PCMTD1: variants seen among roughly 807,000 people sequenced by gnomAD.
PCMTD1 encodes protein-L-isoaspartate O-methyltransferase domain-containing protein 1.
A neutral mutation model predicts 37.6 loss-of-function variants in PCMTD1; 12 were observed. The ratio of observed to expected loss-of-function variants is 0.32; its 90% confidence interval spans 0.20 to 0.52. PCMTD1 has a LOEUF of 0.52. PCMTD1 is among the 20% of genes least tolerant of loss of function. PCMTD1 has a pLI of 0.97. For missense variants in PCMTD1, 235 were observed against 421.3 expected, an observed-to-expected ratio of 0.56 and a Z score of 3.87; for synonymous variants, 117 against 135.8, an observed-to-expected ratio of 0.86 and a Z score of 0.96.
rs2037784002 is a variant in PCMTD1, at chr8:51,818,015, CTT to C, written c.*2334_*2335del. ...CTATATTCCCCATCATTTTCACTTA[CTT>C]TTACTTAATCTTTATTTGCTACTTT... On this transcript the variant is annotated 3_prime_UTR_variant, in exon 6 of 6. Transcript: ENST00000522514. 2 of 449,036 alleles carry C rather than the reference CTT, an allele frequency of 4.5e-6. No homozygotes were observed. The highest frequency in any genetic ancestry group is 1.4e-4 in the East Asian group (2 of 14,084). The allele number at this position is 449,036 out of a possible 1,614,324, so 27.8% of individuals were successfully genotyped here. A position where few individuals can be genotyped will look rare whatever the true frequency, so the allele number is the denominator to read the frequency against.
intron 2 of PCMTD1, among the ~76,000 whole-genome samples, chr8:51,853,539 T>C (rs981898132): frequency 1.3e-5 from 2 of 152,200 alleles, no homozygotes; most frequent in Non-Finnish European, 2.9e-5. Flanking sequence ...ATAATAGTTA[T>C]GTTCTAAAAA....
chr8:51,820,419 C>T lies in PCMTD1; in HGVS notation c.1006G>A (p.Glu336Lys), dbSNP rs2129271639. 6.2e-7 allele frequency: 1 copy of T among 1,610,660 alleles called. No individual in the cohort carries two copies. The highest frequency in any genetic ancestry group is 1.7e-4 in the Middle Eastern group (1 of 6,036). Residue 336 changes from glutamate (E) to lysine (K), a missense_variant, in exon 6 of 6, where the codon GAA becomes AAA. Coordinates refer to ENST00000522514, the MANE Select transcript of PCMTD1 (RefSeq NM_052937.4). ...PEEPPQNLLR[E>K]KIMKLPLPES... Reference sequence around the variant, plus strand: ...GGGAGGGGCAGCTTCATGATTTTTTCTCTCAGTAAATTTTGAGGTGGCTCC... The same window carrying T: ...GGGAGGGGCAGCTTCATGATTTTTTTTCTCAGTAAATTTTGAGGTGGCTCC...
intron 1 of PCMTD1, among the ~76,000 whole-genome samples, chr8:51,867,485 G>C (rs902475371): frequency 3.4e-5 from 3 of 88,998 alleles, no homozygotes; most frequent in African/African-American, 9.6e-5. Context: ...TGGTGTGTGT[G>C]TGTGTGTGTG....
rs188506695 is a variant in PCMTD1 at position 51,875,980 on chromosome 8, A to G, written c.-95-14734T>C. 4.6e-3 allele frequency among the ~76,000 whole-genome samples: 700 copies of G among 151,928 alleles called. 4 individuals carry two copies. The highest frequency in any genetic ancestry group is 8.2e-3 in the Non-Finnish European group (560 of 67,928). On this transcript the variant is annotated intron_variant, in intron 1 of 5. Transcript: ENST00000522514. ...TGTGTGTCTGTGTGTGTGTGTGTGCATGTGCGTGCACGCATGCGTGTGTTA... is the reference window on the plus strand; with the variant it reads ...TGTGTGTCTGTGTGTGTGTGTGTGCGTGTGCGTGCACGCATGCGTGTGTTA...
At chr8:51,866,640 A>G (rs2038559318) in intron 1 of PCMTD1, among the ~76,000 whole-genome samples, 1 of 152,066 alleles carries the variant, frequency 6.6e-6, no homozygotes, top group Non-Finnish European at 1.5e-5. Flanking sequence ...AAAACAGATT[A>G]AAGATTTAAA....
intron 5 of PCMTD1, among the ~76,000 whole-genome samples, chr8:51,829,701 T>C (rs1007197650): frequency 2.0e-5 from 3 of 151,726 alleles, no homozygotes; most frequent in Non-Finnish European, 4.4e-5. Context: ...GCCCAGGAGG[T>C]GGAGATTGCA....
intron 1 of PCMTD1, among the ~76,000 whole-genome samples, chr8:51,871,982 A>G (rs932324182): frequency 6.6e-6 from 1 of 152,180 alleles, no homozygotes; most frequent in Non-Finnish European, 1.5e-5. Context: ...GTAGCTTCCA[A>G]CTTCCTCCAC....
At chr8:51,879,084 C>T (rs1387822660) in intron 1 of PCMTD1, among the ~76,000 whole-genome samples, 1 of 152,042 alleles carries the variant, frequency 6.6e-6, no homozygotes, top group Non-Finnish European at 1.5e-5. Flanking sequence ...CGTAGTCATG[C>T]CACTGTAGTC....
At chr8:51,862,643 G>A (rs888980227) in intron 1 of PCMTD1, among the ~76,000 whole-genome samples, 3 of 152,150 alleles carry the variant, frequency 2.0e-5, no homozygotes, top group Admixed American at 6.5e-5. Context: ...CCTGACCATA[G>A]AGAAGTATAC....
intron 1 of PCMTD1, among the ~76,000 whole-genome samples, chr8:51,875,956 G>C (rs72639748): frequency 0.17 from 17,281 of 99,366 alleles, 1,189 homozygotes; most frequent in Non-Finnish European, 0.25. Flanking sequence ...GTGTGTGTGT[G>C]TGTGTCTGTG....
chr8:51,838,205 G>A (rs1346615858), intron 3 of PCMTD1, among the ~76,000 whole-genome samples: 4 of 152,106 alleles, frequency 2.6e-5, no homozygotes, highest in African/African-American at 4.8e-5. Context: ...TTTTCAGGTA[G>A]GCCAGGTATG....
intron 2 of PCMTD1, among the ~76,000 whole-genome samples, chr8:51,854,269 TC>T (rs1179435707): frequency 2.6e-5 from 4 of 152,122 alleles, no homozygotes; most frequent in Admixed American, 2.6e-4. Flanking sequence ...AGTAATATTA[TC>T]CATAAACACA....
intron 3 of PCMTD1, among the ~76,000 whole-genome samples, chr8:51,843,719 T>C (rs1251980355): frequency 6.6e-6 from 1 of 152,194 alleles, no homozygotes; most frequent in Non-Finnish European, 1.5e-5. Flanking sequence ...AATCACAACA[T>C]ATTTTCCTGT....
chr8:51,839,854 T>G (rs891916070), intron 3 of PCMTD1, among the ~76,000 whole-genome samples: 1 of 152,280 alleles, frequency 6.6e-6, no homozygotes, highest in South Asian at 2.1e-4. Context: ...AAAAACTTCT[T>G]TTTCTTGAAA....
chr8:51,831,118 T>G (rs1585790246), intron 5 of PCMTD1, among the ~76,000 whole-genome samples: 1 of 151,950 alleles, frequency 6.6e-6, no homozygotes, highest in East Asian at 1.9e-4. Flanking sequence ...GCCAACATGG[T>G]GAAACAGCGT....
At chr8:51,837,295 C>G (rs1395431964) in intron 3 of PCMTD1, among the ~76,000 whole-genome samples, 2 of 152,056 alleles carry the variant, frequency 1.3e-5, no homozygotes, top group African/African-American at 4.8e-5. Context: ...TTTCCTTTAA[C>G]ATGTTTAAAT....
At chr8:51,889,697 T>A (rs991132172) in intron 1 of PCMTD1, among the ~76,000 whole-genome samples, 6 of 152,182 alleles carry the variant, frequency 3.9e-5, no homozygotes, top group African/African-American at 1.4e-4. Flanking sequence ...ATGTGGAAAG[T>A]ATCAAATTTA....
At chr8:51,850,347 AG>A in intron 2 of PCMTD1, among the ~76,000 whole-genome samples, 1 of 152,346 alleles carries the variant, frequency 6.6e-6, no homozygotes, top group East Asian at 1.9e-4. Context: ...AACCTACATA[AG>A]GGGTTCTCAA....
At chr8:51,878,250 G>GTTTTTTTTTTTTTTTTTTTTTTTTTT (rs375362623) in intron 1 of PCMTD1, among the ~76,000 whole-genome samples, 1 of 139,170 alleles carries the variant, frequency 7.2e-6, no homozygotes, top group Non-Finnish European at 1.5e-5. Flanking sequence ...TTTTTTTTTG[G>GTTTTTTTTTTTTTTTTTTTTTTTTTT]TTTTTTTTTT....
Sources: allele counts gnomAD v4.1 joint callset (sites outside exome capture counted in the v4.1 genomes callset), GRCh38; gene constraint gnomAD v4.1.1; transcripts MANE v1.5; gene names NCBI Gene and HGNC (gene_info 2026-07-23, HGNC 2026-07-21).